CLU: variants seen among roughly 807,000 people sequenced by gnomAD.
CLU encodes the protein aging-associated protein 4.
Under a neutral mutation model 46.4 loss-of-function variants are expected in CLU, and 25 were observed. The ratio of observed to expected loss-of-function variants is 0.54; its 90% CI spans 0.39 to 0.75. The LOEUF (loss-of-function observed/expected upper bound fraction) is 0.75, where lower values mean the gene tolerates loss of function less well. Ranked by LOEUF, CLU falls within the 30% of genes least tolerant of loss-of-function variation. The pLI, the probability that CLU is intolerant of heterozygous loss-of-function variation, is 0.00. For synonymous variants in CLU, 235 were observed against 235.1 expected (o/e 1.00, Z 0.00); for missense variants, 504 against 592.1 (o/e 0.85, Z 1.54).
intron 4 of CLU, among the ~76,000 whole-genome samples, chr8:27,605,871 AC>A (rs1197848118): frequency 1.3e-5 from 2 of 149,740 alleles, no homozygotes; most frequent in Non-Finnish European, 2.9e-5. Context: ...CCCCATGTTT[AC>A]AAAAAAAAAA....
intron 6 of CLU, among the ~76,000 whole-genome samples, chr8:27,603,483 T>G (rs1800757989): frequency 6.6e-6 from 1 of 152,194 alleles, no homozygotes; most frequent in Non-Finnish European, 1.5e-5. Context: ...AACAATTAAC[T>G]CTTTGTGAGT....
chr8:27,605,884 A>G (rs1368934628), intron 4 of CLU, among the ~76,000 whole-genome samples: 1 of 151,752 alleles, frequency 6.6e-6, no homozygotes, highest in Non-Finnish European at 1.5e-5. Flanking sequence ...AAAAAAAAAT[A>G]CAAAAATTAG....
intron 6 of CLU, among the ~76,000 whole-genome samples, chr8:27,600,637 G>C (rs1350156640): frequency 6.6e-6 from 1 of 152,110 alleles, no homozygotes; most frequent in African/African-American, 2.4e-5. Context: ...AAACTGTGTT[G>C]ACCACACTTC....
At chr8:27,607,867 C>T (rs530426603) in intron 3 of CLU, among the ~76,000 whole-genome samples, 1 of 152,154 alleles carries the variant, frequency 6.6e-6, no homozygotes, top group Admixed American at 6.5e-5. Context: ...AAGACACAAG[C>T]GCCACCCCTG....
intron 2 of CLU, 137 bp from the exon 3 acceptor site, chr8:27,609,223 C>A (rs1022393678): frequency 5.5e-6 from 5 of 909,080 alleles, no homozygotes; most frequent in Non-Finnish European, 7.1e-6. Flanking sequence ...TGCCAGCAGG[C>A]AGCAGCATGG....
intron 1 of CLU, chr8:27,611,232 G>A (rs1402650413): frequency 6.6e-6 from 3 of 454,110 alleles, no homozygotes; most frequent in Admixed American, 2.3e-5. Context: ...GACTTGGGCC[G>A]GGCTGCCTGT....
rs372043736 is a variant in CLU, at chr8:27,608,957, T to G, written c.227A>C (p.Glu76Ala). ...ERKTLLSNLE[E>A]AKKKKEDALN... is the part of the protein sequence containing the mutation. ...CCTGACCTCTTTCTTCTTCTTGGCT[T>G]CTTCTAGGTTGCTGAGCAGTGTCTT... Residue 76 changes from glutamate to alanine, a missense_variant, in exon 3 of 9, where the codon GAA becomes GCA. By Grantham distance (107) the Glu-to-Ala change is moderately radical (BLOSUM62 -1). This residue lies in a region of CLU where 73 missense variants were observed against 91.2 expected (regional missense o/e 0.80). Transcript: ENST00000316403. 1.7e-4 allele frequency: 277 copies of G among 1,614,126 alleles called. No individual in the cohort carries two copies. The highest frequency in any genetic ancestry group is 2.3e-4 in the Non-Finnish European group (270 of 1,180,058).
At chr8:27,600,176 C>T (rs1484988214) in intron 6 of CLU, among the ~76,000 whole-genome samples, 167 bp from the exon 7 acceptor site, 1 of 152,186 alleles carries the variant, frequency 6.6e-6, no homozygotes, top group Non-Finnish European at 1.5e-5. Flanking sequence ...AAGGTTTTGC[C>T]TCAGAATGTG....
intron 3 of CLU, 37 bp downstream of exon 3, chr8:27,608,901 T>A: frequency 6.2e-7 from 1 of 1,612,790 alleles, no homozygotes; most frequent in Non-Finnish European, 8.5e-7. Context: ...TCCAGTGGGA[T>A]GGTCAAGGCA....
chr8:27,598,752 G>T, intron 7 of CLU, 117 bp from the exon 8 acceptor site: 1 of 956,814 alleles, frequency 1.0e-6, no homozygotes, highest in Non-Finnish European at 1.7e-6. Context: ...AGGAAACCTA[G>T]AGAGCTGACC....
rs1208653810 is a variant in CLU, at chr8:27,604,090, C to T, written c.934+201G>A. The stretch of plus-strand genomic sequence containing the variant: ...ATCTCACCGACTTCAGGGACAGCCT[C>T]GCATCATCATCTCATTCTAAGATGA... On this transcript the variant is annotated intron_variant, in intron 6 of 8. Coordinates refer to ENST00000316403, the MANE Select transcript of CLU (RefSeq NM_001831.4). 11 of 604,930 alleles carry T rather than the reference C, an allele frequency of 1.8e-5. No individual in the cohort carries two copies. The Admixed American group carries it at 2.5e-4, about 14-fold the overall frequency. 37.5% of individuals were successfully genotyped at this position (604,930 alleles called of 1,614,324 possible). A position where few individuals can be genotyped will look rare whatever the true frequency, so the allele number is the denominator to read the frequency against.
intron 6 of CLU, among the ~76,000 whole-genome samples, chr8:27,600,540 G>A (rs1171168913): frequency 6.6e-6 from 1 of 152,166 alleles, no homozygotes; most frequent in Non-Finnish European, 1.5e-5. Flanking sequence ...GCCTTGCTCT[G>A]GAAAAATACG....
chr8:27,604,156 A>G, intron 6 of CLU, 135 bp downstream of exon 6: 1 of 727,320 alleles, frequency 1.4e-6, no homozygotes, highest in Non-Finnish European at 2.4e-6. Context: ...GCCCCGGGAC[A>G]CAGCTCAAAG....
At chr8:27,611,594 A>T in intron 1 of CLU, 1 of 456,980 alleles carries the variant, frequency 2.2e-6, no homozygotes, top group Non-Finnish European at 4.4e-6. Flanking sequence ...TGCTTATCTG[A>T]GCTCACCCAT....
chr8:27,610,629 A>G (rs1248300809), intron 1 of CLU, 29 bp from the exon 2 acceptor site: 3 of 1,553,484 alleles, frequency 1.9e-6, no homozygotes, highest in South Asian at 2.2e-5. Flanking sequence ...CATCATGGGA[A>G]CAGCTAGACA....
At chr8:27,602,710 C>T (rs904939083) in intron 6 of CLU, among the ~76,000 whole-genome samples, 5 of 152,048 alleles carry the variant, frequency 3.3e-5, no homozygotes, top group Non-Finnish European at 5.9e-5. Flanking sequence ...AGTAGGCAGT[C>T]CTCTTCAGTG....
chr8:27,608,210 A>G (rs1315890507), intron 3 of CLU, among the ~76,000 whole-genome samples: 1 of 152,158 alleles, frequency 6.6e-6, no homozygotes, highest in Non-Finnish European at 1.5e-5. Flanking sequence ...ACAAAAATGA[A>G]TTCCCTGGTC....
intron 6 of CLU, 85 bp from the exon 7 acceptor site, chr8:27,600,094 A>C: frequency 3.9e-6 from 4 of 1,032,468 alleles, no homozygotes; most frequent in Non-Finnish European, 6.0e-6. Flanking sequence ...GGAAGTTAGC[A>C]CATGCAGCGG....
rs1800647208 is a variant in CLU, at chr8:27,598,237, C to T, written c.*4G>A. On this transcript the variant is annotated 3_prime_UTR_variant, in exon 9 of 9. Transcript: ENST00000316403. ...CCCGTAGGTGCAAAAGCAACATCCACATCTCACTCCTCCCTGAAATAAAAA... is the reference window on the plus strand; with the variant it reads ...CCCGTAGGTGCAAAAGCAACATCCATATCTCACTCCTCCCTGAAATAAAAA... 5.6e-6 allele frequency: 9 copies of T among 1,614,010 alleles called. No homozygotes were observed. The highest frequency in any genetic ancestry group is 6.8e-6 in the Non-Finnish European group (8 of 1,179,936).
Sources: gnomAD v4.1 joint callset for allele counts (sites outside exome capture counted in the v4.1 genomes callset) on GRCh38, gnomAD v4.1.1 for gene constraint, gnomAD v4.1.1 regional missense constraint, MANE v1.5 for transcripts, NCBI Gene and HGNC (gene_info 2026-07-23, HGNC 2026-07-21) for gene names.